Variants in SEPTIN14 observed in about 807,000 individuals in gnomAD.
SEPTIN14 encodes septin-14.
A neutral mutation model predicts 53.6 loss-of-function variants in SEPTIN14; 40 were observed. That is an observed-to-expected ratio of 0.75 (90% confidence interval 0.58 to 0.97). The LOEUF (loss-of-function observed/expected upper bound fraction) is 0.97, where lower values mean the gene tolerates loss of function less well. SEPTIN14 is among the 50% of genes least tolerant of loss of function. The probability of loss-of-function intolerance (pLI) is 0.00; values close to 1 mark genes in which losing one functional copy is unlikely to be tolerated. For missense variants in SEPTIN14, 471 were observed against 508.2 expected (o/e 0.93, Z 0.70); for synonymous variants, 138 against 166.8 (o/e 0.83, Z 1.33).
intron 6 of SEPTIN14, among the ~76,000 whole-genome samples, 155 bp from the exon 7 acceptor site, chr7:55,819,378 A>C (rs766740820): frequency 7.2e-5 from 11 of 152,154 alleles, no homozygotes; most frequent in Non-Finnish European, 1.5e-4. Context: ...TCATGAGGTC[A>C]GGAGATCGAG....
At chr7:55,824,143 G>A (rs938752550) in intron 6 of SEPTIN14, among the ~76,000 whole-genome samples, 9 of 152,094 alleles carry the variant, frequency 5.9e-5, no homozygotes, top group African/African-American at 2.2e-4. Context: ...TCAATGAGTT[G>A]AACTTCATTA....
Position 55,807,082 on chromosome 7 carries a change from T to G in SEPTIN14, c.986+8A>C, listed in dbSNP as rs1275536584. On this transcript the variant is annotated splice_region_variant and intron_variant, in intron 8 of 9. Coordinates refer to ENST00000388975, the MANE Select transcript of SEPTIN14 (RefSeq NM_207366.3). ...CCATTTGGTTGTGCTAGCAATATTT[T>G]TACTCACCTAACTGGCTGGTTGTTT... The G allele has an allele frequency of 2.5e-6, 4 of 1,571,168 alleles. No individual in the cohort carries two copies. The highest frequency in any genetic ancestry group is 8.6e-7 in the Non-Finnish European group (1 of 1,165,930).
At chr7:55,826,539 T>C (rs1365973272) in intron 6 of SEPTIN14, among the ~76,000 whole-genome samples, 1 of 152,204 alleles carries the variant, frequency 6.6e-6, no homozygotes, top group Non-Finnish European at 1.5e-5. Context: ...GGCTCACGCC[T>C]GTAATCCCAG....
At chr7:55,846,765 A>G (rs1789424259) in intron 2 of SEPTIN14, 128 bp from the exon 3 acceptor site, 6 of 554,602 alleles carry the variant, frequency 1.1e-5, no homozygotes, top group Non-Finnish European at 1.6e-5. Flanking sequence ...CTCAGACAAG[A>G]TGCAAATATA....
intron 5 of SEPTIN14, 83 bp from the exon 6 acceptor site, chr7:55,834,669 G>A: frequency 8.7e-7 from 1 of 1,142,970 alleles, no homozygotes; most frequent in Non-Finnish European, 1.2e-6. Context: ...TTGAGACGGA[G>A]TCTCGCTTTG....
At chr7:55,815,814 A>C (rs1166485222) in intron 7 of SEPTIN14, among the ~76,000 whole-genome samples, 1 of 152,160 alleles carries the variant, frequency 6.6e-6, no homozygotes, top group Non-Finnish European at 1.5e-5. Context: ...CTAAAAATAG[A>C]ACTACCATAT....
chr7:55,831,221 A>T (rs1324954052), intron 6 of SEPTIN14, among the ~76,000 whole-genome samples: 1 of 152,172 alleles, frequency 6.6e-6, no homozygotes, highest in South Asian at 2.1e-4. Context: ...AGACAGATTA[A>T]TGGAATGGAA....
rs117887397 is a variant in SEPTIN14 at position 55,811,402 on chromosome 7, T to G, written c.818-4144A>C. ...TTGGCCACCCAACTACTGCCCTTTC[T>G]AGGAGCCATGGTGTTGGGTGGAGGC... On this transcript the variant is annotated intron_variant, in intron 7 of 9. Coordinates refer to ENST00000388975, the MANE Select transcript of SEPTIN14 (RefSeq NM_207366.3). 1,466 of 482,950 alleles carry G rather than the reference T, an allele frequency of 3.0e-3. 6 individuals carry two copies. The highest frequency in any genetic ancestry group is 4.4e-3 in the Non-Finnish European group (1,042 of 237,708). 29.9% of individuals were successfully genotyped at this position (482,950 alleles called of 1,614,324 possible). A position where few individuals can be genotyped will look rare whatever the true frequency, so the allele number is the denominator to read the frequency against.
chr7:55,811,394 G>A, intron 7 of SEPTIN14: 1 of 488,232 alleles, frequency 2.0e-6, no homozygotes, highest in South Asian at 1.6e-5. Flanking sequence ...CCCAACTACT[G>A]CCCTTTCTAG....
At chr7:55,817,814 T>C (rs561545002) in intron 7 of SEPTIN14, among the ~76,000 whole-genome samples, 1 of 152,270 alleles carries the variant, frequency 6.6e-6, no homozygotes, top group East Asian at 1.9e-4. Flanking sequence ...TGTTAAGTTT[T>C]CATCACAAAA....
intron 2 of SEPTIN14, 97 bp from the exon 3 acceptor site, chr7:55,846,734 A>C (rs1187612499): frequency 1.6e-6 from 1 of 631,606 alleles, no homozygotes; most frequent in Non-Finnish European, 2.7e-6. Context: ...ATTAGAATTG[A>C]TTATCATTTG....
intron 9 of SEPTIN14, among the ~76,000 whole-genome samples, chr7:55,803,541 G>C (rs563141511): frequency 2.6e-5 from 4 of 152,232 alleles, no homozygotes; most frequent in African/African-American, 9.6e-5. Context: ...TAACCATATG[G>C]TTCAGCAACC....
Position 55,834,447 on chromosome 7 carries a change from G to A in SEPTIN14, c.698C>T (p.Ala233Val). 1 of 1,611,128 alleles carries A rather than the reference G, an allele frequency of 6.2e-7. No homozygotes were observed. The highest frequency in any genetic ancestry group is 2.2e-5 in the East Asian group (1 of 44,780). Residue 233 changes from alanine to valine, a missense_variant, in exon 6 of 10, where the codon GCT becomes GTT. Physicochemically the swap from Ala to Val is moderately conservative, Grantham distance 64. Transcript: ENST00000388975. ...TACACTAACTGAGGAGTTCGCTTGAGCAGCAGTTTCTTCATCTGTTGGGAG... is the reference window on the plus strand; with the variant it reads ...TACACTAACTGAGGAGTTCGCTTGAACAGCAGTTTCTTCATCTGTTGGGAG... ...YQLPTDEETAAQANSSVSGLL... is the reference protein window; with the variant it reads ...YQLPTDEETAVQANSSVSGLL...
intron 6 of SEPTIN14, among the ~76,000 whole-genome samples, chr7:55,823,033 G>A (rs73354524): frequency 0.2 from 30,547 of 151,952 alleles, 4,071 homozygotes; most frequent in East Asian, 0.43. Flanking sequence ...GGCAGGAGGC[G>A]GACAAATGCC....
chr7:55,797,547 T>C (rs1010778372), intron 9 of SEPTIN14, among the ~76,000 whole-genome samples: 3 of 152,334 alleles, frequency 2.0e-5, no homozygotes, highest in Admixed American at 2.0e-4. Flanking sequence ...ACTAATACTA[T>C]GTCTGACAAA....
At chr7:55,845,347 C>A (rs932534436) in intron 3 of SEPTIN14, among the ~76,000 whole-genome samples, 3 of 149,880 alleles carry the variant, frequency 2.0e-5, no homozygotes, top group Admixed American at 6.7e-5. Context: ...AAATATGGTA[C>A]ATATACACCA....
chr7:55,862,505 A>G (rs995085994), intron 1 of SEPTIN14, among the ~76,000 whole-genome samples, 183 bp downstream of exon 1: 5 of 152,208 alleles, frequency 3.3e-5, no homozygotes, highest in African/African-American at 1.2e-4. Context: ...AGTTCTTTAG[A>G]CACTGAACTA....
chr7:55,840,346 G>A (rs749425423), intron 5 of SEPTIN14, among the ~76,000 whole-genome samples: 4 of 151,664 alleles, frequency 2.6e-5, no homozygotes, highest in Non-Finnish European at 5.9e-5. Flanking sequence ...AAAATTAGCC[G>A]GGTGTGGTGG....
At chr7:55,832,357 C>T (rs774989896) in intron 6 of SEPTIN14, among the ~76,000 whole-genome samples, 7 of 152,012 alleles carry the variant, frequency 4.6e-5, no homozygotes, top group Admixed American at 1.3e-4. Flanking sequence ...AGAGATTTCT[C>T]GAAGCACTAA....
Sources: allele counts gnomAD v4.1 joint callset (sites outside exome capture counted in the v4.1 genomes callset), GRCh38; gene constraint gnomAD v4.1.1; transcripts MANE v1.5; gene names NCBI Gene and HGNC (gene_info 2026-07-23, HGNC 2026-07-21).